SFI1: variants seen among roughly 807,000 people sequenced by gnomAD.
SFI1 encodes SFI1 centrin binding protein.
SFI1 carries 195 observed loss-of-function variants against 207.5 expected under a neutral mutation model. The ratio of observed to expected loss-of-function variants is 0.94; its 90% CI spans 0.84 to 1.06. The LOEUF (loss-of-function observed/expected upper bound fraction) is 1.06, where lower values mean the gene tolerates loss of function less well. SFI1 is among the 50% of genes least tolerant of loss of function. The pLI is 0.00. For missense variants in SFI1, 1,634 were observed against 1,588.0 expected, an observed-to-expected ratio of 1.03 and a Z score of -0.49; for synonymous variants, 630 against 598.9, an observed-to-expected ratio of 1.05 and a Z score of -0.76.
chr22:31,514,211 T>C (rs868062003), intron 2 of SFI1, among the ~76,000 whole-genome samples: 3 of 150,634 alleles, frequency 2.0e-5, no homozygotes, highest in South Asian at 2.1e-4. Flanking sequence ...TCAATAGATA[T>C]TAAAAATCAA....
intron 20 of SFI1, chr22:31,605,409 G>C (rs2095228557): frequency 6.5e-6 from 1 of 153,472 alleles, no homozygotes; most frequent in South Asian, 2.0e-4. Flanking sequence ...CCTGTGGAGG[G>C]TGCTTCTGCA....
intron 15 of SFI1, among the ~76,000 whole-genome samples, chr22:31,599,107 T>C (rs1162616958): frequency 6.6e-6 from 1 of 151,180 alleles, no homozygotes; most frequent in Non-Finnish European, 1.5e-5. Flanking sequence ...TATCCTTTTT[T>C]TTTATGGTTA....
intron 17 of SFI1, 85 bp downstream of exon 17, chr22:31,602,870 G>A: frequency 2.1e-6 from 3 of 1,441,146 alleles, no homozygotes; most frequent in Non-Finnish European, 2.8e-6. Flanking sequence ...CCAAGTGCCT[G>A]TCTGGAGGAC....
rs1208883661 is a variant in SFI1, at chr22:31,607,830, G to A, written c.2158-107G>A. On this transcript the variant is annotated intron_variant, in intron 21 of 32. Transcript: ENST00000400288. ...CCTGGACCGTGTGTGAGAAGCAAAT[G>A]GCAACAGCTTGGCCTTGCCTCTCCA... 3 of 866,976 alleles carry A rather than the reference G, an allele frequency of 3.5e-6. No individual in the cohort carries two copies. In the African/African-American group the frequency reaches 5.0e-5, roughly 14 times the overall value. 53.7% of individuals were successfully genotyped at this position (866,976 alleles called of 1,614,324 possible). A position where few individuals can be genotyped will look rare whatever the true frequency, so the allele number is the denominator to read the frequency against.
At chr22:31,580,240 C>G in intron 11 of SFI1, 32 bp from the exon 12 acceptor site, 2 of 1,537,848 alleles carry the variant, frequency 1.3e-6, no homozygotes, top group South Asian at 2.2e-5. Context: ...GATCCCAGTC[C>G]TTGTAATCAG....
At chr22:31,609,981 C>CT (rs2069791085) in intron 22 of SFI1, among the ~76,000 whole-genome samples, 1 of 152,226 alleles carries the variant, frequency 6.6e-6, no homozygotes. Flanking sequence ...CTCTGAAGGA[C>CT]TTTCCTTAGA....
chr22:31,606,155 GC>G, intron 20 of SFI1, 172 bp from the exon 21 acceptor site: 1 of 633,640 alleles, frequency 1.6e-6, no homozygotes, highest in Non-Finnish European at 2.8e-6. Flanking sequence ...CTGCTCAGTA[GC>G]CATTTGTTGG....
intron 1 of SFI1, among the ~76,000 whole-genome samples, chr22:31,500,466 A>T (rs1333918992): frequency 6.6e-6 from 1 of 151,992 alleles, no homozygotes; most frequent in South Asian, 2.1e-4. Context: ...ATTTATTTTT[A>T]TTTTTATTTT....
intron 2 of SFI1, among the ~76,000 whole-genome samples, chr22:31,527,928 A>G (rs1477666926): frequency 6.6e-6 from 1 of 152,210 alleles, no homozygotes; most frequent in Admixed American, 6.5e-5. Flanking sequence ...AGCCTGGCCA[A>G]CATGGTGAAA....
intron 8 of SFI1, among the ~76,000 whole-genome samples, chr22:31,564,611 C>A (rs1013289765): frequency 6.6e-6 from 1 of 151,578 alleles, no homozygotes; most frequent in Non-Finnish European, 1.5e-5. Context: ...CTTAAGTGAT[C>A]CTCCCACCTC....
intron 7 of SFI1, among the ~76,000 whole-genome samples, chr22:31,560,783 C>T (rs1285863959): frequency 1.3e-5 from 2 of 151,394 alleles, no homozygotes; most frequent in African/African-American, 4.9e-5. Context: ...CTCACTGCAA[C>T]CTCTGCTTCC....
In SFI1 at chr22:31,613,773, C is replaced by T. The variant is rs930945934; in HGVS notation, c.2914C>T (p.Leu972Phe). The part of the protein sequence containing the change: ...RIAAGAGDGT[L>F]ETKRPQASRP... ...TGCTGCTGGGGCTGGGGATGGCACC[C>T]TTGAGACCAAGAGGCCACAGGCTTC... is the stretch of plus-strand genomic sequence containing the variant. The change falls in exon 27 of 33, where the codon CTT (leucine) becomes TTT (phenylalanine). Residue 972 changes from leucine to phenylalanine, a missense_variant. Transcript: ENST00000400288. The T allele has an allele frequency of 1.2e-6, 2 of 1,612,746 alleles. No individual in the cohort carries two copies. The highest frequency in any genetic ancestry group is 1.3e-5 in the African/African-American group (1 of 74,922).
Position 31,531,057 on chromosome 22 carries a change from G to C in SFI1, c.267-1G>C, listed in dbSNP as rs373932109. On this transcript the variant is annotated splice_acceptor_variant, in intron 3 of 32. Transcript: ENST00000400288. LOFTEE classifies it high-confidence loss of function. Reference sequence around the variant, plus strand: ...GTATATGCTTTTTTTCCTTCTTTCAGATGCGTGGCCAGAAAGTTCTTATAT... The same window carrying C: ...GTATATGCTTTTTTTCCTTCTTTCACATGCGTGGCCAGAAAGTTCTTATAT... 34 of 1,609,298 alleles carry C rather than the reference G, an allele frequency of 2.1e-5. No individual in the cohort carries two copies. The African/African-American group carries it at 4.4e-4, about 21-fold the overall frequency.
chr22:31,527,150 G>A (rs1359205860), intron 2 of SFI1, among the ~76,000 whole-genome samples: 2 of 152,270 alleles, frequency 1.3e-5, no homozygotes, highest in East Asian at 3.9e-4. Context: ...TCCCGCCTCG[G>A]CCTCTCAAAG....
At chr22:31,572,182 A>G (rs2063019103) in intron 8 of SFI1, among the ~76,000 whole-genome samples, 1 of 152,018 alleles carries the variant, frequency 6.6e-6, no homozygotes, top group Non-Finnish European at 1.5e-5. Context: ...GATTGCTTTT[A>G]TTTTCTTAGT....
chr22:31,545,530 G>T (rs879380175), intron 4 of SFI1, among the ~76,000 whole-genome samples: 13 of 150,568 alleles, frequency 8.6e-5, no homozygotes, highest in Admixed American at 3.3e-4. Flanking sequence ...CTTATTTTTT[G>T]GGTAGAGATG....
chr22:31,546,860 G>T lies in SFI1; in HGVS notation c.339-1G>T. 2 of 1,576,682 alleles carry T rather than the reference G, an allele frequency of 1.3e-6. No homozygotes were observed. The highest frequency in any genetic ancestry group is 1.2e-5 in the South Asian group (1 of 85,178). ...TATATATGATTTTTTTTTTGCCGTA[G>T]ATTTTACTATGAGCAGCGATTACTA... On this transcript the variant is annotated splice_acceptor_variant, in intron 4 of 32. Transcript: ENST00000400288. LOFTEE classifies it high-confidence loss of function.
At chr22:31,499,500 C>T (rs946782153) in intron 1 of SFI1, among the ~76,000 whole-genome samples, 8 of 152,024 alleles carry the variant, frequency 5.3e-5, no homozygotes, top group Non-Finnish European at 1.0e-4. Flanking sequence ...GAAATCTACA[C>T]CTGGTGAAGA....
intron 4 of SFI1, among the ~76,000 whole-genome samples, chr22:31,540,254 T>A (rs1947303663): frequency 6.8e-6 from 1 of 148,060 alleles, no homozygotes; most frequent in African/African-American, 2.5e-5. Context: ...TTTATTTATA[T>A]TTTATTTTAT....
Sources: gnomAD v4.1 joint callset for allele counts (sites outside exome capture counted in the v4.1 genomes callset) on GRCh38, gnomAD v4.1.1 for gene constraint, MANE v1.5 for transcripts, NCBI Gene and HGNC (gene_info 2026-07-23, HGNC 2026-07-21) for gene names.